Variants in DHX35 observed in about 807,000 individuals in gnomAD.
The protein encoded by DHX35 is probable ATP-dependent RNA helicase DHX35.
In DHX35, 84 loss-of-function variants were observed where a neutral mutation model predicts 99.6. The observed-to-expected ratio is 0.84, with a 90% CI of 0.71 to 1.01. The LOEUF (loss-of-function observed/expected upper bound fraction) is 1.01, where lower values mean the gene tolerates loss of function less well. Ranked by LOEUF, DHX35 falls within the 50% of genes least tolerant of loss-of-function variation. The pLI is 0.00. For synonymous variants in DHX35, 331 were observed against 316.2 expected (o/e 1.05, Z -0.50); for missense variants, 852 against 888.5 (o/e 0.96, Z 0.52).
chr20:38,972,429 T>C, intron 2 of DHX35, 130 bp from the exon 3 acceptor site: 1 of 634,272 alleles, frequency 1.6e-6, no homozygotes, highest in Non-Finnish European at 2.8e-6. Flanking sequence ...GGGTTAGAAA[T>C]ACATTTTGAT....
intron 14 of DHX35, among the ~76,000 whole-genome samples, chr20:39,017,702 T>C (rs2086807914): frequency 6.6e-6 from 1 of 152,216 alleles, no homozygotes; most frequent in Admixed American, 6.5e-5. Flanking sequence ...TACCTGGATA[T>C]TGGCAAGGTA....
chr20:38,979,848 G>T (rs1601377307), intron 3 of DHX35, among the ~76,000 whole-genome samples: 4 of 139,456 alleles, frequency 2.9e-5, no homozygotes, highest in Admixed American at 1.4e-4. Flanking sequence ...TTTTACTAGA[G>T]TTCTGTAAAA....
Position 39,023,784 on chromosome 20 carries a change from C to G in DHX35, c.1671+17C>G. On this transcript the variant is annotated intron_variant, in intron 17 of 21. Transcript: ENST00000252011. ...TTTATCAAAGTAAGCACAACTACTG[C>G]TCGAAGTGCCGCCTCAACACACCAC... is the stretch of plus-strand genomic sequence containing the variant. The G allele has an allele frequency of 6.2e-7, 1 of 1,607,760 alleles. No individual in the cohort carries two copies. Among genetic ancestry groups the G allele is most frequent in the Non-Finnish European group, 8.5e-7 (1 of 1,174,522 alleles).
intron 18 of DHX35, among the ~76,000 whole-genome samples, chr20:39,026,568 A>G (rs2086960796): frequency 6.6e-6 from 1 of 152,220 alleles, no homozygotes; most frequent in Non-Finnish European, 1.5e-5. Flanking sequence ...GCCGGGAAGA[A>G]GGAATCCAGA....
intron 20 of DHX35, among the ~76,000 whole-genome samples, chr20:39,032,638 C>G (rs2087074770): frequency 6.6e-6 from 1 of 152,158 alleles, no homozygotes; most frequent in Non-Finnish European, 1.5e-5. Flanking sequence ...AGAATTGCAG[C>G]TTTCAAAATG....
intron 13 of DHX35, among the ~76,000 whole-genome samples, chr20:39,014,000 A>C (rs1016249886): frequency 6.6e-6 from 1 of 152,224 alleles, no homozygotes; most frequent in Non-Finnish European, 1.5e-5. Flanking sequence ...CCAACTGCCT[A>C]TATGACCTTG....
intron 16 of DHX35, 95 bp from the exon 17 acceptor site, chr20:39,023,595 C>T (rs2086905508): frequency 5.9e-6 from 7 of 1,184,830 alleles, no homozygotes; most frequent in Non-Finnish European, 8.7e-6. Context: ...TCAGGCAATC[C>T]TCCCACCTTA....
At chr20:38,982,462 G>C (rs1005647178) in intron 3 of DHX35, among the ~76,000 whole-genome samples, 6 of 152,122 alleles carry the variant, frequency 3.9e-5, no homozygotes, top group African/African-American at 7.2e-5. Context: ...TCATCTGTTA[G>C]TGTTTATATT....
chr20:38,986,087 C>G (rs1376275127), intron 4 of DHX35, among the ~76,000 whole-genome samples: 1 of 152,060 alleles, frequency 6.6e-6, no homozygotes, highest in Non-Finnish European at 1.5e-5. Flanking sequence ...TTTGTAAATA[C>G]AACAGTGTCT....
At position 38,968,374 on chromosome 20, in the gene DHX35, C is replaced by T. The variant is rs191995613; in HGVS notation, c.41-707C>T. On this transcript the variant is annotated intron_variant, in intron 1 of 21. Transcript: ENST00000252011. The stretch of plus-strand genomic sequence containing the variant: ...GTCATCTCTGAGCCTTATTGCCATC[C>T]TACAGTAACAAGATTCATCCTTTTA... 7.2e-5 allele frequency among the ~76,000 whole-genome samples: 11 copies of T among 152,250 alleles called. No homozygotes were observed. The East Asian group carries it at 1.9e-3, about 27-fold the overall frequency.
chr20:38,975,981 A>C (rs1477629175), intron 3 of DHX35, among the ~76,000 whole-genome samples: 1 of 152,208 alleles, frequency 6.6e-6, no homozygotes, highest in Non-Finnish European at 1.5e-5. Context: ...AATATATCAC[A>C]GTGATTTGGC....
At chr20:38,981,163 CTG>C (rs1049859579) in intron 3 of DHX35, among the ~76,000 whole-genome samples, 19 of 152,318 alleles carry the variant, frequency 1.2e-4, no homozygotes, top group African/African-American at 4.3e-4. Flanking sequence ...TGTGAAACTA[CTG>C]TCTTTCCCTT....
At chr20:38,972,725 T>G in intron 3 of DHX35, 74 bp downstream of exon 3, 1 of 905,720 alleles carries the variant, frequency 1.1e-6, no homozygotes, top group Non-Finnish European at 1.8e-6. Context: ...GAGCTCTCTT[T>G]ACTATCATTT....
intron 19 of DHX35, chr20:39,029,206 A>G (rs2087005477): frequency 6.6e-6 from 1 of 152,096 alleles, no homozygotes. Context: ...AGCCTCCTAA[A>G]AGTGTAGCTA....
At chr20:39,002,359 G>C (rs1209441680) in intron 9 of DHX35, among the ~76,000 whole-genome samples, 2 of 152,154 alleles carry the variant, frequency 1.3e-5, no homozygotes, top group Admixed American at 6.5e-5. Context: ...TTTCTGAATC[G>C]TTTTGTTGGA....
intron 3 of DHX35, among the ~76,000 whole-genome samples, 176 bp downstream of exon 3, chr20:38,972,827 A>G (rs1278393999): frequency 1.3e-5 from 2 of 152,234 alleles, no homozygotes; most frequent in East Asian, 3.8e-4. Flanking sequence ...GGTGAGTACT[A>G]AAGTAACAGT....
At position 38,976,136 on chromosome 20, in the gene DHX35, T is replaced by A. The variant is rs374735016; in HGVS notation, c.267+3485T>A. Among the ~76,000 whole-genome samples the A allele has an allele frequency of 1.5e-4, 22 of 150,804 alleles. 1 individual carries two copies. In the South Asian group the frequency reaches 4.4e-3, roughly 30 times the overall value. ...TGGGCAAACAAAGGTAGTTTTTTTT[T>A]CTTTTAATTTTAAGATTTGAATATT... On this transcript the variant is annotated intron_variant, in intron 3 of 21. Coordinates refer to ENST00000252011, the MANE Select transcript of DHX35 (RefSeq NM_021931.4).
chr20:39,030,737 C>T lies in DHX35; in HGVS notation c.1917C>T (p.His639=). The T allele has an allele frequency of 6.2e-7, 1 of 1,614,184 alleles. No individual in the cohort carries two copies. Among genetic ancestry groups the T allele is most frequent in the Non-Finnish European group, 8.5e-7 (1 of 1,180,038 alleles). The part of the protein sequence containing the change: ...TIRDDHELHI[H]PASVLYAEKP... The stretch of plus-strand genomic sequence containing the variant: ...GTGATGACCATGAGCTGCACATACA[C>T]CCTGCGTCAGTCCTCTATGCAGAGA... The change falls in exon 20 of 22, where the codon CAC becomes CAT. Residue 639 remains histidine (H), a synonymous_variant. Transcript: ENST00000252011.
chr20:39,002,856 T>A lies in DHX35; in HGVS notation c.840T>A (p.Phe280Leu), dbSNP rs760000187. The A allele has an allele frequency of 1.2e-6, 2 of 1,614,178 alleles. No individual in the cohort carries two copies. The highest frequency in any genetic ancestry group is 4.5e-5 in the East Asian group (2 of 44,878). ...AGGGAGACGGAGACGTTTTAGCATT[T>A]CTTACTGGCCAGGTAATGCCACTGT... is the stretch of plus-strand genomic sequence containing the variant. ...QTEGDGDVLA[F>L]LTGQEEVETV... Residue 280 changes from phenylalanine (F) to leucine (L), a missense_variant, in exon 10 of 22, where the codon TTT becomes TTA. By Grantham distance (22) the Phe-to-Leu change is conservative (BLOSUM62 0). Transcript: ENST00000252011.
Sources: allele counts gnomAD v4.1 joint callset (sites outside exome capture counted in the v4.1 genomes callset), GRCh38; gene constraint gnomAD v4.1.1; transcripts MANE v1.5; gene names NCBI Gene and HGNC (gene_info 2026-07-23, HGNC 2026-07-21).